Variants in OTUD7A observed in about 807,000 individuals in gnomAD.
The protein encoded by OTUD7A is OTU deubiquitinase 7A, also known as OTU domain-containing protein 7A.
OTUD7A carries 12 observed loss-of-function variants against 65.7 expected under a neutral mutation model. The observed-to-expected ratio is 0.18, with a 90% CI of 0.12 to 0.30. The LOEUF (loss-of-function observed/expected upper bound fraction) is 0.30. Ranked by LOEUF, OTUD7A falls within the 10% of genes least tolerant of loss-of-function variation. The probability of loss-of-function intolerance (pLI) is 1.00; values close to 1 mark genes in which losing one functional copy is unlikely to be tolerated. For missense variants in OTUD7A, 1,148 were observed against 1,304.8 expected, an observed-to-expected ratio of 0.88 and a Z score of 1.85; for synonymous variants, 641 against 586.3, an observed-to-expected ratio of 1.09 and a Z score of -1.35.
At chr15:31,743,063 C>T (rs936009623) in intron 1 of OTUD7A, among the ~76,000 whole-genome samples, 1 of 152,090 alleles carries the variant, frequency 6.6e-6, no homozygotes, top group Non-Finnish European at 1.5e-5. Context: ...ACAGAAAAGG[C>T]ACGGATATAG....
intron 3 of OTUD7A, among the ~76,000 whole-genome samples, chr15:31,619,292 T>C (rs1890697628): frequency 1.3e-5 from 2 of 151,250 alleles, no homozygotes; most frequent in Admixed American, 1.4e-4. Flanking sequence ...TTTAAAGTAG[T>C]TTTTTCCAAT....
intron 10 of OTUD7A, among the ~76,000 whole-genome samples, chr15:31,497,416 A>AT (rs1021236903): frequency 6.6e-6 from 1 of 151,846 alleles, no homozygotes; most frequent in Admixed American, 6.6e-5. Context: ...TGCCCAGATA[A>AT]TTTTTTATAT....
chr15:31,528,688 CT>C (rs1260360945), intron 6 of OTUD7A, among the ~76,000 whole-genome samples: 1 of 152,210 alleles, frequency 6.6e-6, no homozygotes, highest in African/African-American at 2.4e-5. Flanking sequence ...CAGAGATGGC[CT>C]CCTTGTCCTG....
At chr15:31,729,458 T>C (rs992699185) in intron 1 of OTUD7A, among the ~76,000 whole-genome samples, 7 of 152,314 alleles carry the variant, frequency 4.6e-5, no homozygotes, top group African/African-American at 1.7e-4. Flanking sequence ...CACAGTCACA[T>C]TAATACGGAA....
At chr15:31,778,514 C>T (rs984045268) in intron 1 of OTUD7A, among the ~76,000 whole-genome samples, 1 of 152,222 alleles carries the variant, frequency 6.6e-6, no homozygotes, top group African/African-American at 2.4e-5. Context: ...ACATACAATG[C>T]ACACAGTGGC....
intron 1 of OTUD7A, among the ~76,000 whole-genome samples, chr15:31,783,146 G>A (rs923164174): frequency 3.3e-5 from 5 of 152,180 alleles, no homozygotes; most frequent in Non-Finnish European, 5.9e-5. Context: ...GTGGCATTCT[G>A]GAGATCAAGG....
chr15:31,743,709 C>A (rs1226538966), intron 1 of OTUD7A, among the ~76,000 whole-genome samples: 2 of 151,766 alleles, frequency 1.3e-5, no homozygotes, highest in East Asian at 3.9e-4. Flanking sequence ...GAGTTTGAGA[C>A]CAGCCTGGCC....
At chr15:31,711,505 A>C (rs1893445010) in intron 1 of OTUD7A, among the ~76,000 whole-genome samples, 1 of 150,388 alleles carries the variant, frequency 6.6e-6, no homozygotes, top group South Asian at 2.1e-4. Context: ...ACTTGCTATA[A>C]ATCACCTTGA....
chr15:31,550,168 C>A (rs4365252), intron 5 of OTUD7A, among the ~76,000 whole-genome samples: 91,888 of 150,594 alleles, frequency 0.61, 30,678 homozygotes, highest in East Asian at 0.91. Context: ...ACTAGCTGGA[C>A]CAGTCTGGAC....
At chr15:31,536,440 G>T (rs1264501438) in intron 5 of OTUD7A, among the ~76,000 whole-genome samples, 1 of 152,134 alleles carries the variant, frequency 6.6e-6, no homozygotes, top group Non-Finnish European at 1.5e-5. Context: ...CACCTCCCTA[G>T]GGCCTTCAAC....
chr15:31,841,033 C>A (rs1317003032), intron 1 of OTUD7A, among the ~76,000 whole-genome samples: 4 of 152,118 alleles, frequency 2.6e-5, no homozygotes, highest in African/African-American at 9.7e-5. Context: ...GAACCTCTGC[C>A]AAGCAACAGA....
intron 3 of OTUD7A, among the ~76,000 whole-genome samples, chr15:31,617,571 T>C (rs1890630871): frequency 6.6e-6 from 1 of 152,138 alleles, no homozygotes. Flanking sequence ...AGAAGGCAGA[T>C]ACACAGGAAT....
chr15:31,670,026 G>A (rs1286923927), intron 1 of OTUD7A, among the ~76,000 whole-genome samples: 1 of 144,578 alleles, frequency 6.9e-6, no homozygotes, highest in Non-Finnish European at 1.5e-5. Context: ...GGAGCAGTCT[G>A]CTTCCTTCAG....
intron 1 of OTUD7A, among the ~76,000 whole-genome samples, chr15:31,822,559 C>T (rs2140974096): frequency 6.6e-6 from 1 of 152,202 alleles, no homozygotes; most frequent in South Asian, 2.1e-4. Flanking sequence ...CCAGCCTGGC[C>T]ACCCTGCCTC....
intron 3 of OTUD7A, among the ~76,000 whole-genome samples, chr15:31,614,619 G>C (rs989912909): frequency 6.6e-6 from 1 of 152,050 alleles, no homozygotes; most frequent in Non-Finnish European, 1.5e-5. Flanking sequence ...TTCTTTAAAA[G>C]CAGATGCAAA....
intron 3 of OTUD7A, among the ~76,000 whole-genome samples, chr15:31,621,150 G>GT (rs1328521230): frequency 1.3e-5 from 2 of 151,582 alleles, no homozygotes. Flanking sequence ...TATAATTTCT[G>GT]TTTTTTTACA....
At position 31,604,951 on chromosome 15, in the gene OTUD7A, C is replaced by T. The variant is rs939735075; in HGVS notation, c.152-34754G>A. Among the ~76,000 whole-genome samples the T allele has an allele frequency of 3.9e-5, 6 of 152,310 alleles. No individual in the cohort carries two copies. In the South Asian group the frequency reaches 8.3e-4, roughly 21 times the overall value. ...GCCACCAGGGAGCCAGAAGCTTCTA[C>T]AAGCAAGAGGCACGACGAGCAGAGC... On this transcript the variant is annotated intron_variant, in intron 3 of 12. Transcript: ENST00000307050.
Position 31,487,650 on chromosome 15 carries a change from G to T in OTUD7A, c.1172-84C>A. ...AAGGAAATTCCCAAGCCAGGTATCT[G>T]GGTGACAAATGCACCGAGTGGACAT... On this transcript the variant is annotated intron_variant, in intron 10 of 12. Transcript: ENST00000307050. The surrounding 1 kb of genome is among the most constrained non-coding windows in gnomAD (Gnocchi z 6.0). 1 of 1,070,914 alleles carries T rather than the reference G, an allele frequency of 9.3e-7. No homozygotes were observed. Among genetic ancestry groups the T allele is most frequent in the Non-Finnish European group, 1.3e-6 (1 of 749,926 alleles). 66.3% of individuals were successfully genotyped at this position (1,070,914 alleles called of 1,614,324 possible). A position where few individuals can be genotyped will look rare whatever the true frequency, so the allele number is the denominator to read the frequency against.
At chr15:31,577,527 C>G (rs1303088706) in intron 3 of OTUD7A, among the ~76,000 whole-genome samples, 1 of 152,052 alleles carries the variant, frequency 6.6e-6, no homozygotes, top group Non-Finnish European at 1.5e-5. Context: ...CAATGTATAC[C>G]TTACATGTAT....
Sources: gnomAD v4.1 joint callset for allele counts (sites outside exome capture counted in the v4.1 genomes callset) on GRCh38, gnomAD v4.1.1 for gene constraint, Gnocchi (gnomAD v3.1) non-coding constraint, MANE v1.5 for transcripts, NCBI Gene and HGNC (gene_info 2026-07-23, HGNC 2026-07-21) for gene names.